Variants in KCNU1 observed in about 807,000 individuals in gnomAD.
KCNU1 encodes the protein potassium channel subfamily U member 1.
Under a neutral mutation model 126.8 loss-of-function variants are expected in KCNU1, and 93 were observed. The observed-to-expected ratio is 0.73, with a 90% CI of 0.62 to 0.87. The LOEUF (loss-of-function observed/expected upper bound fraction) is 0.87, where lower values mean the gene tolerates loss of function less well. KCNU1 is among the 40% of genes least tolerant of loss of function. The pLI is 0.00. For missense variants in KCNU1, 1,330 were observed against 1,367.1 expected, an observed-to-expected ratio of 0.97 and a Z score of 0.43; for synonymous variants, 523 against 494.2, an observed-to-expected ratio of 1.06 and a Z score of -0.77.
chr8:36,860,525 C>T (rs1805691355), intron 18 of KCNU1, among the ~76,000 whole-genome samples: 1 of 152,138 alleles, frequency 6.6e-6, no homozygotes, highest in South Asian at 2.1e-4. Context: ...CTCTACAGTT[C>T]ACTACCTGCT....
At chr8:36,837,057 A>G in intron 14 of KCNU1, 112 bp downstream of exon 14, 1 of 982,932 alleles carries the variant, frequency 1.0e-6, no homozygotes, top group African/African-American at 1.6e-5. Flanking sequence ...GCAATGAGAT[A>G]TGACTTCTGC....
chr8:36,785,585 A>G (rs1034233556), intron 1 of KCNU1, among the ~76,000 whole-genome samples: 1 of 152,134 alleles, frequency 6.6e-6, no homozygotes, highest in Non-Finnish European at 1.5e-5. Context: ...TTTGTTCCTA[A>G]ACAAGTTTAT....
chr8:36,885,197 A>G lies in KCNU1; in HGVS notation c.2010-20511A>G, dbSNP rs184346595. Among the ~76,000 whole-genome samples, 605 of 152,304 alleles carry G rather than the reference A, an allele frequency of 4.0e-3. 2 individuals are homozygous for G. Among genetic ancestry groups the G allele is most frequent in the African/African-American group, 0.014 (584 of 41,576 alleles). ...CCTACCAGGCTCTAGGAATTTTCCA[A>G]TGAAAGGCCTAGAAAAAGTCCCTCA... On this transcript the variant is annotated intron_variant, in intron 19 of 26. Coordinates refer to ENST00000399881, the MANE Select transcript of KCNU1 (RefSeq NM_001031836.3).
Position 36,879,217 on chromosome 8 carries a change from A to G in KCNU1, c.2009+14696A>G, listed in dbSNP as rs907378947. The stretch of plus-strand genomic sequence containing the variant: ...TGTGTGTGTGTGTGTGTGTGTATAT[A>G]TATATATATATATATATATATACAC... On this transcript the variant is annotated intron_variant, in intron 19 of 26. Coordinates refer to ENST00000399881, the MANE Select transcript of KCNU1 (RefSeq NM_001031836.3). Among the ~76,000 whole-genome samples the G allele has an allele frequency of 4.5e-3, 637 of 140,080 alleles. 7 individuals are homozygous for G. The highest frequency in any genetic ancestry group is 0.016 in the African/African-American group (600 of 37,934). 91.9% of individuals were successfully genotyped at this position (140,080 alleles called of 152,430 possible). A position where few individuals can be genotyped will look rare whatever the true frequency, so the allele number is the denominator to read the frequency against.
chr8:36,902,922 A>G (rs1807475933), intron 19 of KCNU1, among the ~76,000 whole-genome samples: 1 of 152,148 alleles, frequency 6.6e-6, no homozygotes, highest in African/African-American at 2.4e-5. Context: ...AGGGTAACCC[A>G]TTTTGGTCAA....
At chr8:36,816,406 G>C (rs2130469816) in intron 9 of KCNU1, among the ~76,000 whole-genome samples, 1 of 152,186 alleles carries the variant, frequency 6.6e-6, no homozygotes, top group East Asian at 1.9e-4. Context: ...CTTAATCCCT[G>C]TCTGCTGTAA....
intron 19 of KCNU1, among the ~76,000 whole-genome samples, chr8:36,882,872 C>G (rs1806540121): frequency 6.6e-6 from 1 of 152,178 alleles, no homozygotes; most frequent in African/African-American, 2.4e-5. Context: ...CGTGAGCCAC[C>G]AGGCCCACCC....
At chr8:36,924,660 G>T (rs1046349671) in intron 24 of KCNU1, among the ~76,000 whole-genome samples, 1 of 152,156 alleles carries the variant, frequency 6.6e-6, no homozygotes, top group Non-Finnish European at 1.5e-5. Flanking sequence ...AGGTGGCTCT[G>T]TCAGAGAAAG....
Position 36,905,708 on chromosome 8 carries a change from G to T in KCNU1, c.2010G>T (p.Arg670Ser). 1 of 1,548,034 alleles carries T rather than the reference G, an allele frequency of 6.5e-7. No individual in the cohort carries two copies. The highest frequency in any genetic ancestry group is 1.1e-5 in the South Asian group (1 of 89,782). The change falls in exon 20 of 27, where the codon AGG becomes AGT. Residue 670 changes from arginine to serine, a missense_variant and splice_region_variant. Coordinates refer to ENST00000399881, the MANE Select transcript of KCNU1 (RefSeq NM_001031836.3). ...CTAACTCTCCATTCTTCCTATTTAG[G>T]ACTCTTCAACATGATGTAGAACAAG... ...STSSISNFTT[R>S]TLQHDVEQDS...
intron 3 of KCNU1, among the ~76,000 whole-genome samples, chr8:36,804,673 G>C (rs944281563): frequency 6.6e-6 from 1 of 152,084 alleles, no homozygotes; most frequent in Admixed American, 6.6e-5. Context: ...TGGATTTCTA[G>C]CTAAAATGGA....
At position 36,806,276 on chromosome 8, in the gene KCNU1, C is replaced by T. The variant is rs1206286706; in HGVS notation, c.476C>T (p.Ala159Val). ...FSFYFGLRFM[A>V]ADDKIKFWLE... The stretch of plus-strand genomic sequence containing the variant: ...TCTGTTTCTATTTCATAGTTTATGG[C>T]AGCTGATGACAAGATCAAGTTCTGG... The change falls in exon 5 of 27, where the codon GCA (alanine) becomes GTA (valine). Residue 159 changes from alanine (A) to valine (V), a missense_variant. Physicochemically the swap from Ala to Val is moderately conservative, Grantham distance 64. Around this residue, in one of 3 missense-constraint regions of KCNU1, gnomAD observed 247 missense variants for 255.4 expected, o/e 0.97. Transcript: ENST00000399881. 1.2e-6 allele frequency: 2 copies of T among 1,602,848 alleles called. No individual in the cohort carries two copies. Among genetic ancestry groups the T allele is most frequent in the Non-Finnish European group, 1.7e-6 (2 of 1,172,832 alleles).
At chr8:36,879,139 G>A (rs1443150288) in intron 19 of KCNU1, among the ~76,000 whole-genome samples, 9 of 143,132 alleles carry the variant, frequency 6.3e-5, no homozygotes, top group East Asian at 4.1e-4. Context: ...AAACTTAGAC[G>A]TTATTCACTG....
chr8:36,889,464 C>T (rs554317516), intron 19 of KCNU1, among the ~76,000 whole-genome samples: 2 of 151,782 alleles, frequency 1.3e-5, no homozygotes, highest in East Asian at 3.9e-4. Flanking sequence ...GGAGGCATCA[C>T]TTTTAAGGAA....
At chr8:36,785,155 C>A (rs913467756) in intron 1 of KCNU1, among the ~76,000 whole-genome samples, 5 of 152,100 alleles carry the variant, frequency 3.3e-5, no homozygotes, top group African/African-American at 1.2e-4. Flanking sequence ...TTTCTTATAC[C>A]CAAACAAGCT....
In KCNU1 at chr8:36,935,816, A is replaced by G. The variant is rs373677380; in HGVS notation, c.3346A>G (p.Ile1116Val). The G allele has an allele frequency of 1.8e-4, 298 of 1,612,930 alleles. 3 individuals are homozygous for G. The South Asian group carries it at 3.0e-3, about 16-fold the overall frequency. ...GAATCAGAGTAGAACAAACAGTATT[A>G]TATCATCTCAGATACCTTTAGGTGA... ...AWNQSRTNSI[I>V]SSQIPLGDNA... The change falls in exon 27 of 27, where the codon ATA (isoleucine) becomes GTA (valine). Residue 1116 changes from isoleucine (I) to valine (V), a missense_variant. By Grantham distance (29) the Ile-to-Val change is conservative (BLOSUM62 3). Transcript: ENST00000399881.
At chr8:36,877,644 G>A (rs1806323057) in intron 19 of KCNU1, among the ~76,000 whole-genome samples, 1 of 152,052 alleles carries the variant, frequency 6.6e-6, no homozygotes. Flanking sequence ...TCAAGCTACT[G>A]TCTTCTCTTC....
At chr8:36,853,813 G>T (rs1805437141) in intron 18 of KCNU1, among the ~76,000 whole-genome samples, 1 of 152,062 alleles carries the variant, frequency 6.6e-6, no homozygotes, top group Non-Finnish European at 1.5e-5. Context: ...GTGTGTGTGT[G>T]ATTTTTATTT....
At position 36,836,446 on chromosome 8, in the gene KCNU1, G is replaced by A. The variant is rs371865330; in HGVS notation, c.1365+81G>A. The A allele has an allele frequency of 7.4e-5, 74 of 993,650 alleles. No homozygotes were observed. In the Admixed American group the frequency reaches 1.4e-3, roughly 18 times the overall value. The allele number at this position is 993,650 out of a possible 1,614,324, so 61.6% of individuals were successfully genotyped here. A position where few individuals can be genotyped will look rare whatever the true frequency, so the allele number is the denominator to read the frequency against. ...AACTTTTTAATTTTCTAATGGATGT[G>A]TAAATAAAAAGTTTTTGCTAATCAT... is the stretch of plus-strand genomic sequence containing the variant. On this transcript the variant is annotated intron_variant, in intron 13 of 26. Coordinates refer to ENST00000399881, the MANE Select transcript of KCNU1 (RefSeq NM_001031836.3).
Position 36,823,463 on chromosome 8 carries a change from T to A in KCNU1, c.1106+5703T>A, listed in dbSNP as rs181739643. Among the ~76,000 whole-genome samples, 384 of 152,266 alleles carry A rather than the reference T, an allele frequency of 2.5e-3. 4 individuals carry two copies. The highest frequency in any genetic ancestry group is 8.9e-3 in the African/African-American group (369 of 41,576). On this transcript the variant is annotated intron_variant, in intron 10 of 26. Coordinates refer to ENST00000399881, the MANE Select transcript of KCNU1 (RefSeq NM_001031836.3). The stretch of plus-strand genomic sequence containing the variant: ...CATCACTTCTATTGTTTCGGTATTA[T>A]GATCTTAAATCTGTAGTTACACAAT...
Sources: gnomAD v4.1 joint callset for allele counts (sites outside exome capture counted in the v4.1 genomes callset) on GRCh38, gnomAD v4.1.1 for gene constraint, gnomAD v4.1.1 regional missense constraint, MANE v1.5 for transcripts, NCBI Gene and HGNC (gene_info 2026-07-23, HGNC 2026-07-21) for gene names.